Variants in ZNF366 observed in about 807,000 individuals in gnomAD.
ZNF366 encodes the protein zinc finger protein 366.
In ZNF366, 20 loss-of-function variants were observed where a neutral mutation model predicts 47.2. The ratio of observed to expected loss-of-function variants is 0.42; its 90% confidence interval spans 0.30 to 0.62. The LOEUF (loss-of-function observed/expected upper bound fraction) is 0.62, where lower values mean the gene tolerates loss of function less well. Ranked by LOEUF, ZNF366 falls within the 20% of genes least tolerant of loss-of-function variation. The probability of loss-of-function intolerance (pLI) is 0.16; values close to 1 mark genes in which losing one functional copy is unlikely to be tolerated. For missense variants in ZNF366, 987 were observed against 976.3 expected, an observed-to-expected ratio of 1.01 and a Z score of -0.15; for synonymous variants, 421 against 395.1, an observed-to-expected ratio of 1.07 and a Z score of -0.78.
intron 1 of ZNF366, among the ~76,000 whole-genome samples, chr5:72,472,872 A>T (rs141910406): frequency 5.9e-5 from 9 of 152,250 alleles, no homozygotes; most frequent in South Asian, 4.1e-4. Flanking sequence ...ACCACTGTAG[A>T]ACCACACAAT....
chr5:72,498,046 C>G (rs190302779), intron 1 of ZNF366, among the ~76,000 whole-genome samples: 1 of 152,020 alleles, frequency 6.6e-6, no homozygotes, highest in East Asian at 1.9e-4. Flanking sequence ...CCTGCAGAAG[C>G]TTTTTATTGT....
In ZNF366 at chr5:72,461,194, T is replaced by C. The variant is rs764565562; in HGVS notation, c.303A>G (p.Ser101=). 4 of 1,614,130 alleles carry C rather than the reference T, an allele frequency of 2.5e-6. No individual in the cohort carries two copies. The highest frequency in any genetic ancestry group is 3.3e-5 in the Admixed American group (2 of 60,018). Reference sequence around the variant, plus strand: ...GAAGGCCGTGGTTTTTGTTCTCCTCTGAGTGGAGGGCGAGGGTGACTTCTT... The same window carrying C: ...GAAGGCCGTGGTTTTTGTTCTCCTCCGAGTGGAGGGCGAGGGTGACTTCTT... ...PAEEVTLALH[S]EENKNHGLPN... is the part of the protein sequence containing the mutation. Residue 101 remains serine, a synonymous_variant, in exon 2 of 5, where the codon TCA becomes TCG. Transcript: ENST00000318442.
chr5:72,463,668 G>A (rs1743376574), intron 1 of ZNF366, among the ~76,000 whole-genome samples: 1 of 152,202 alleles, frequency 6.6e-6, no homozygotes, highest in Non-Finnish European at 1.5e-5. Context: ...GACCCGGAGG[G>A]GTGTGGGTGG....
chr5:72,496,668 G>A (rs1323257014), intron 1 of ZNF366, among the ~76,000 whole-genome samples: 1 of 152,076 alleles, frequency 6.6e-6, no homozygotes, highest in African/African-American at 2.4e-5. Context: ...AAAATGGCTG[G>A]GTTGTATGGT....
chr5:72,501,258 T>C (rs1314098123), intron 1 of ZNF366, among the ~76,000 whole-genome samples: 1 of 152,116 alleles, frequency 6.6e-6, no homozygotes, highest in Admixed American at 6.5e-5. Flanking sequence ...GAGGTCAGAG[T>C]GGGGCCATAA....
intron 3 of ZNF366, 94 bp from the exon 4 acceptor site, chr5:72,447,511 G>T: frequency 7.0e-6 from 10 of 1,426,136 alleles, no homozygotes; most frequent in Non-Finnish European, 8.6e-6. Flanking sequence ...ACTTTGTTTG[G>T]ACATTGACAT....
intron 1 of ZNF366, among the ~76,000 whole-genome samples, chr5:72,468,177 G>A (rs1227961628): frequency 2.0e-5 from 3 of 152,154 alleles, no homozygotes; most frequent in Non-Finnish European, 2.9e-5. Context: ...GGAATAGAAC[G>A]GTCTCAAAAG....
At chr5:72,465,742 TGC>T (rs1196716848) in intron 1 of ZNF366, among the ~76,000 whole-genome samples, 2 of 152,054 alleles carry the variant, frequency 1.3e-5, no homozygotes, top group African/African-American at 4.8e-5. Context: ...TGAAACAACG[TGC>T]AAAAAGAAAG....
At chr5:72,488,959 T>C (rs1743949440) in intron 1 of ZNF366, among the ~76,000 whole-genome samples, 1 of 152,220 alleles carries the variant, frequency 6.6e-6, no homozygotes, top group Admixed American at 6.5e-5. Flanking sequence ...GGGCACATGG[T>C]TGTATTGCAT....
In ZNF366 at chr5:72,460,618, G is replaced by A; in HGVS notation, c.879C>T (p.Leu293=). The A allele has an allele frequency of 1.2e-6, 2 of 1,614,170 alleles. No homozygotes were observed. Among genetic ancestry groups the A allele is most frequent in the East Asian group, 4.5e-5 (2 of 44,872 alleles). Residue 293 remains leucine (L), a synonymous_variant, in exon 2 of 5, where the codon CTC becomes CTT. Transcript: ENST00000318442. ...CTHCGKLFKQ[L]SHLHTHMLTH... is the part of the protein sequence containing the mutation. ...TCAGCATGTGGGTATGCAGGTGGCTGAGCTGCTTGAAGAGCTTCCCGCAGT... is the reference window on the plus strand; with the variant it reads ...TCAGCATGTGGGTATGCAGGTGGCTAAGCTGCTTGAAGAGCTTCCCGCAGT...
chr5:72,446,358 C>G (rs1305410265), intron 4 of ZNF366, among the ~76,000 whole-genome samples: 1 of 152,228 alleles, frequency 6.6e-6, no homozygotes, highest in Admixed American at 6.5e-5. Flanking sequence ...TTTGCAAACA[C>G]AGACATCCTA....
chr5:72,442,872 G>A lies in ZNF366; in HGVS notation c.*884C>T, dbSNP rs1198999709. The A allele has an allele frequency of 2.6e-5, 4 of 152,244 alleles. No homozygotes were observed. Among genetic ancestry groups the A allele is most frequent in the African/African-American group, 7.2e-5 (3 of 41,424 alleles). 9.4% of individuals were successfully genotyped at this position (152,244 alleles called of 1,614,324 possible). On this transcript the variant is annotated 3_prime_UTR_variant, in exon 5 of 5. Transcript: ENST00000318442. ...GAAGGGGTTTTGCCACGTTGGCCAG[G>A]TTGGTCTCAAACTCCTGACCTCAAG...
At chr5:72,498,157 T>C (rs1226885647) in intron 1 of ZNF366, among the ~76,000 whole-genome samples, 1 of 152,200 alleles carries the variant, frequency 6.6e-6, no homozygotes, top group Non-Finnish European at 1.5e-5. Context: ...ACAGTTGTTA[T>C]GTTTTCTTTA....
intron 3 of ZNF366, among the ~76,000 whole-genome samples, chr5:72,449,494 C>G (rs536034760): frequency 8.5e-5 from 13 of 152,342 alleles, no homozygotes; most frequent in Admixed American, 7.8e-4. Flanking sequence ...GCCTCAGCCT[C>G]CCAAAGTGCT....
chr5:72,462,101 G>C (rs910717370), intron 1 of ZNF366, among the ~76,000 whole-genome samples: 2 of 152,204 alleles, frequency 1.3e-5, no homozygotes, highest in East Asian at 3.8e-4. Flanking sequence ...CCTCATAGGA[G>C]AAGGGATGTT....
At chr5:72,461,848 C>A (rs998000893) in intron 1 of ZNF366, among the ~76,000 whole-genome samples, 2 of 152,148 alleles carry the variant, frequency 1.3e-5, no homozygotes, top group African/African-American at 4.8e-5. Context: ...CCATTGTCCC[C>A]ATTTAAGATC....
chr5:72,499,354 T>C (rs1195218692), intron 1 of ZNF366, among the ~76,000 whole-genome samples: 1 of 152,144 alleles, frequency 6.6e-6, no homozygotes, highest in African/African-American at 2.4e-5. Context: ...TAGTCCCTCC[T>C]TGCCCAGATC....
chr5:72,461,270 G>A lies in ZNF366; in HGVS notation c.227C>T (p.Ser76Phe), dbSNP rs745399253. The A allele has an allele frequency of 4.3e-6, 7 of 1,614,098 alleles. No individual in the cohort carries two copies. Among genetic ancestry groups the A allele is most frequent in the Non-Finnish European group, 5.9e-6 (7 of 1,180,028 alleles). ...TGTGGGCATGCTCTTCCGTTTCCTA[G>A]ACCCTGCTCCTTCGAAGACCCCGGG... ...GFPGVFEGAG[S>F]RKRKSMPTKM... The change falls in exon 2 of 5, where the codon TCT becomes TTT. Residue 76 changes from serine (S) to phenylalanine (F), a missense_variant. This residue lies in a region of ZNF366 where 591 missense variants were observed against 560.9 expected (regional missense o/e 1.05). Transcript: ENST00000318442.
At chr5:72,479,435 A>G (rs1743742005) in intron 1 of ZNF366, among the ~76,000 whole-genome samples, 1 of 152,010 alleles carries the variant, frequency 6.6e-6, no homozygotes, top group Non-Finnish European at 1.5e-5. Flanking sequence ...AATTAAAAAA[A>G]GAAAAATAAA....
Sources: allele counts gnomAD v4.1 joint callset (sites outside exome capture counted in the v4.1 genomes callset), GRCh38; gene constraint gnomAD v4.1.1; regional missense constraint gnomAD v4.1.1; transcripts MANE v1.5; gene names NCBI Gene and HGNC (gene_info 2026-07-23, HGNC 2026-07-21).